DHX30: variants seen among roughly 807,000 people sequenced by gnomAD.
The protein encoded by DHX30 is DExH-box helicase 30.
In DHX30, 4 loss-of-function variants were observed where a neutral mutation model predicts 116.9. The ratio of observed to expected loss-of-function variants is 0.03; its 90% CI spans 0.02 to 0.08. DHX30 has a LOEUF of 0.08. Ranked by LOEUF, DHX30 falls within the 10% of genes least tolerant of loss-of-function variation. The pLI is 1.00. For missense variants in DHX30, 871 were observed against 1,595.1 expected (o/e 0.55, Z 7.73); for synonymous variants, 697 against 651.7 (o/e 1.07, Z -1.06).
At position 47,811,265 on chromosome 3, in the gene DHX30, A is replaced by G. The variant is rs528565435; in HGVS notation, c.28+554A>G. ...CACCGTGGCTGGCCTCTAAAATCCT[A>G]TTTTTCTAGGCTAGTATTTTATACC... On this transcript the variant is annotated intron_variant, in intron 3 of 21. Coordinates refer to ENST00000445061, the MANE Select transcript of DHX30 (RefSeq NM_138615.3). Among the ~76,000 whole-genome samples, 6 of 151,566 alleles carry G rather than the reference A, an allele frequency of 4.0e-5. No individual in the cohort carries two copies. The East Asian group carries it at 1.2e-3, about 29-fold the overall frequency.
chr3:47,845,692 C>T lies in DHX30; in HGVS notation c.940-8C>T, dbSNP rs1182218364. 2 of 1,585,418 alleles carry T rather than the reference C, an allele frequency of 1.3e-6. No individual in the cohort carries two copies. Among genetic ancestry groups the T allele is most frequent in the Non-Finnish European group, 1.7e-6 (2 of 1,158,424 alleles). On this transcript the variant is annotated splice_region_variant and splice_polypyrimidine_tract_variant and intron_variant, in intron 9 of 21. Transcript: ENST00000445061. Reference sequence around the variant, plus strand: ...AGCATAGACTGAGTCTTGCATGTCCCCCTGCAGAGCCTGGGCCTGGTGGAC... The same window carrying T: ...AGCATAGACTGAGTCTTGCATGTCCTCCTGCAGAGCCTGGGCCTGGTGGAC...
At chr3:47,841,474 C>A in intron 7 of DHX30, 143 bp from the exon 8 acceptor site, 1 of 1,158,904 alleles carries the variant, frequency 8.6e-7, no homozygotes. Flanking sequence ...GGAGCAGAGA[C>A]GCCCGGTTTC....
chr3:47,848,131 G>A lies in DHX30; in HGVS notation c.2287-49G>A, dbSNP rs2037699334. 3 of 1,607,180 alleles carry A rather than the reference G, an allele frequency of 1.9e-6. No homozygotes were observed. The South Asian group carries it at 3.3e-5, about 18-fold the overall frequency. On this transcript the variant is annotated intron_variant, in intron 14 of 21. Coordinates refer to ENST00000445061, the MANE Select transcript of DHX30 (RefSeq NM_138615.3). This position sits in a 1 kb window ranked among gnomAD's most constrained non-coding sequence, Gnocchi z 9.4. The stretch of plus-strand genomic sequence containing the variant: ...TGAGGGTTACTCAGGGAGTGGGGAA[G>A]CACTGAGGAAGTGGCATTTGTGTGC...
intron 2 of DHX30, among the ~76,000 whole-genome samples, chr3:47,809,550 T>C (rs1303259215): frequency 6.6e-6 from 1 of 152,192 alleles, no homozygotes. Context: ...GGCCGGAATG[T>C]AACTTCTTAA....
intron 1 of DHX30, among the ~76,000 whole-genome samples, chr3:47,803,599 C>A (rs953507968): frequency 6.6e-6 from 1 of 152,234 alleles, no homozygotes; most frequent in Non-Finnish European, 1.5e-5. Flanking sequence ...CCTGAGTGCC[C>A]CGAGACCTTT....
intron 2 of DHX30, among the ~76,000 whole-genome samples, chr3:47,806,149 T>TA (rs923357000): frequency 2.2e-5 from 2 of 91,830 alleles, no homozygotes; most frequent in Admixed American, 1.1e-4. Flanking sequence ...TTTGTATTTT[T>TA]TTTTTTTTTT....
chr3:47,849,796 C>T (rs1404104767), intron 21 of DHX30, 27 bp downstream of exon 21: 4 of 1,607,836 alleles, frequency 2.5e-6, no homozygotes, highest in Non-Finnish European at 3.4e-6. Context: ...CTCCCGCCCA[C>T]CCCGCTCTGC....
chr3:47,807,703 C>CAAAAAAAAA (rs1202083372), intron 2 of DHX30, among the ~76,000 whole-genome samples: 6 of 32,734 alleles, frequency 1.8e-4, no homozygotes, highest in Admixed American at 3.4e-4. Context: ...GACTCTGTCT[C>CAAAAAAAAA]AAAAAAAAAA....
At chr3:47,833,556 A>G (rs1291096333) in intron 6 of DHX30, among the ~76,000 whole-genome samples, 1 of 149,584 alleles carries the variant, frequency 6.7e-6, no homozygotes, top group Admixed American at 6.7e-5. Flanking sequence ...AAAAAAAAAA[A>G]AAGAAAGAGC....
intron 2 of DHX30, among the ~76,000 whole-genome samples, chr3:47,806,096 A>G (rs1464783550): frequency 2.0e-5 from 3 of 150,572 alleles, no homozygotes; most frequent in Non-Finnish European, 4.4e-5. Context: ...AGTTCAAGCA[A>G]TTCCCCTGCC....
At chr3:47,822,733 C>T (rs1222194717) in intron 4 of DHX30, among the ~76,000 whole-genome samples, 3 of 151,980 alleles carry the variant, frequency 2.0e-5, no homozygotes, top group African/African-American at 4.8e-5. Flanking sequence ...TGCAGTGAGC[C>T]GAGATCGTGC....
In DHX30 at chr3:47,840,859, G is replaced by A. The variant is rs531878073; in HGVS notation, c.367-18G>A. The A allele has an allele frequency of 2.3e-5, 37 of 1,613,986 alleles. No individual in the cohort carries two copies. The highest frequency in any genetic ancestry group is 3.3e-5 in the South Asian group (3 of 91,082). On this transcript the variant is annotated intron_variant, in intron 6 of 21. Transcript: ENST00000445061. ...TAAAGATGGTATCAATCCTTAAAAC[G>A]TCCCTTTTCCCCTCCAGGGTTGGGG...
chr3:47,822,215 T>G (rs1014103429), intron 4 of DHX30: 1 of 152,202 alleles, frequency 6.6e-6, no homozygotes, highest in Non-Finnish European at 1.5e-5. Context: ...TGCCCTTATC[T>G]TACAAGAGTC....
chr3:47,814,105 G>A lies in DHX30; in HGVS notation c.28+3394G>A, dbSNP rs573462818. 5.3e-5 allele frequency among the ~76,000 whole-genome samples: 8 copies of A among 151,568 alleles called. No individual in the cohort carries two copies. The Admixed American group carries it at 5.3e-4, about 10-fold the overall frequency. ...TCTCTGAATTAATAGTACTGATTTTGTAAAGAGATGGAAAGCCCAATAAAA... is the reference window on the plus strand; with the variant it reads ...TCTCTGAATTAATAGTACTGATTTTATAAAGAGATGGAAAGCCCAATAAAA... On this transcript the variant is annotated intron_variant, in intron 3 of 21. Coordinates refer to ENST00000445061, the MANE Select transcript of DHX30 (RefSeq NM_138615.3).
intron 6 of DHX30, among the ~76,000 whole-genome samples, chr3:47,831,749 C>G (rs1041569329): frequency 6.6e-6 from 1 of 150,696 alleles, no homozygotes; most frequent in Non-Finnish European, 1.5e-5. Context: ...GGGTTCAAGC[C>G]ATCCTCCCGC....
At chr3:47,840,292 C>T (rs569985782) in intron 6 of DHX30, among the ~76,000 whole-genome samples, 6 of 151,562 alleles carry the variant, frequency 4.0e-5, no homozygotes, top group Non-Finnish European at 7.4e-5. Flanking sequence ...CCACCGCACC[C>T]GGCCCTACGT....
In DHX30 at chr3:47,829,370, G is replaced by T. The variant is rs1414097775; in HGVS notation, c.366+236G>T. 5.7e-5 allele frequency among the ~76,000 whole-genome samples: 7 copies of T among 122,552 alleles called. No individual in the cohort carries two copies. In the Admixed American group the frequency reaches 6.8e-4, roughly 12 times the overall value. The allele number at this position is 122,552 out of a possible 152,430, so 80.4% of individuals were successfully genotyped here. ...TTTTTTTTTTTTCCTTTGAGTCAGAGTTTCACTCTGTTGCCCAGGCTGGAG... is the reference window on the plus strand; with the variant it reads ...TTTTTTTTTTTTCCTTTGAGTCAGATTTTCACTCTGTTGCCCAGGCTGGAG... On this transcript the variant is annotated intron_variant, in intron 6 of 21. Transcript: ENST00000445061.
chr3:47,833,291 G>A lies in DHX30; in HGVS notation c.366+4157G>A, dbSNP rs1345687521. 2.6e-5 allele frequency among the ~76,000 whole-genome samples: 4 copies of A among 152,128 alleles called. No individual in the cohort carries two copies. The East Asian group carries it at 7.7e-4, about 29-fold the overall frequency. On this transcript the variant is annotated intron_variant, in intron 6 of 21. Transcript: ENST00000445061. ...TGTAATTCCAGCAATTTGAGAGGCT[G>A]AAGTAGGCGGATCACTTGAGTCCAC...
Position 47,848,248 on chromosome 3 carries a change from C to G in DHX30, c.2355C>G (p.Arg785=). The change falls in exon 15 of 22, where the codon CGC becomes CGG. Residue 785 remains arginine (R), a synonymous_variant. Transcript: ENST00000445061. The surrounding 1 kb of genome is among the most constrained non-coding windows in gnomAD (Gnocchi z 9.4). The part of the protein sequence containing the change: ...NVIQRRGRAG[R]CQSGFAYHLF... ...TCCAGCGCCGGGGCCGGGCGGGCCG[C>G]TGCCAGTCCGGCTTTGCCTACCACT... is the stretch of plus-strand genomic sequence containing the variant. The G allele has an allele frequency of 5.0e-6, 8 of 1,613,592 alleles. No homozygotes were observed. The highest frequency in any genetic ancestry group is 6.8e-6 in the Non-Finnish European group (8 of 1,179,962).
Sources: allele counts gnomAD v4.1 joint callset (sites outside exome capture counted in the v4.1 genomes callset), GRCh38; gene constraint gnomAD v4.1.1; non-coding constraint Gnocchi (gnomAD v3.1); transcripts MANE v1.5; gene names NCBI Gene and HGNC (gene_info 2026-07-23, HGNC 2026-07-21).